Variants in LIMCH1 observed in about 807,000 individuals in gnomAD.
The protein encoded by LIMCH1 is LIM and calponin homology domains 1.
In LIMCH1, 113 loss-of-function variants were observed where a neutral mutation model predicts 176.5. That is an observed-to-expected ratio of 0.64 (90% CI 0.55 to 0.75). The LOEUF (loss-of-function observed/expected upper bound fraction) is 0.75. Among genes scored for constraint, LIMCH1 ranks in the 30% least tolerant of loss-of-function variants. LIMCH1 has a pLI of 0.00. For missense variants in LIMCH1, 1,674 were observed against 1,814.9 expected (o/e 0.92, Z 1.41); for synonymous variants, 619 against 645.9 (o/e 0.96, Z 0.63).
At chr4:41,593,183 G>T (rs1165287250) in intron 1 of LIMCH1, among the ~76,000 whole-genome samples, 1 of 152,170 alleles carries the variant, frequency 6.6e-6, no homozygotes, top group East Asian at 1.9e-4. Context: ...CATAGCCCTT[G>T]GGAAATGTTT....
rs374277373 is a variant in LIMCH1 at position 41,651,286 on chromosome 4, A to G, written c.3036+678A>G. On this transcript the variant is annotated intron_variant, in intron 18 of 31. Transcript: ENST00000503057. ...TCCCAAAAGTGCTGGGATTACAGGC[A>G]TGAGCTACCACACCCAGCCTAATTT... Among the ~76,000 whole-genome samples, 72 of 152,270 alleles carry G rather than the reference A, an allele frequency of 4.7e-4. No homozygotes were observed. The South Asian group carries it at 0.012, about 25-fold the overall frequency.
chr4:41,360,883 C>A lies in LIMCH1; in HGVS notation c.43C>A (p.Gln15Lys), dbSNP rs2051874801. 2 of 1,586,858 alleles carry A rather than the reference C, an allele frequency of 1.3e-6. No homozygotes were observed. Among genetic ancestry groups the A allele is most frequent in the Non-Finnish European group, 1.7e-6 (2 of 1,169,974 alleles). ...CGGTCTGGAAGCTCTTCAGCCCCTG[C>A]AGCCCGAGCCGCCCCCCGAGCCCGC... The change falls in exon 1 of 27, where the codon CAG becomes AAG. Residue 15 changes from glutamine (Q) to lysine (K), a missense_variant. Transcript: ENST00000313860. This position sits in a 1 kb window ranked among gnomAD's most constrained non-coding sequence, Gnocchi z 4.5.
chr4:41,360,779 T>TGCGGCGGCG, upstream of LIMCH1: 3 of 1,321,122 alleles, frequency 2.3e-6, no homozygotes, highest in Non-Finnish European at 3.1e-6. The surrounding 1 kb of genome is among the most constrained non-coding windows in gnomAD (Gnocchi z 4.5). Flanking sequence ...AGCGCGCTCC[T>TGCGGCGGCG]GCGGCGGCGA....
chr4:41,596,906 A>G (rs1050327321), intron 1 of LIMCH1, among the ~76,000 whole-genome samples: 1 of 152,118 alleles, frequency 6.6e-6, no homozygotes, highest in African/African-American at 2.4e-5. Context: ...GAAAGAAAAC[A>G]TCCTGGGATG....
chr4:41,524,250 C>T (rs2076400234), intron 2 of LIMCH1, among the ~76,000 whole-genome samples: 1 of 152,224 alleles, frequency 6.6e-6, no homozygotes, highest in Non-Finnish European at 1.5e-5. Flanking sequence ...AAGCTCTTCA[C>T]TTATATGCAT....
chr4:41,381,060 A>G (rs1364996004), intron 1 of LIMCH1, among the ~76,000 whole-genome samples: 1 of 152,188 alleles, frequency 6.6e-6, no homozygotes, highest in Non-Finnish European at 1.5e-5. Flanking sequence ...ACAGATCTTG[A>G]ACACTTACTG....
At chr4:41,511,538 C>T (rs2152355682) in intron 2 of LIMCH1, among the ~76,000 whole-genome samples, 1 of 152,336 alleles carries the variant, frequency 6.6e-6, no homozygotes, top group African/African-American at 2.4e-5. Flanking sequence ...TGGCACTACT[C>T]ATGAAGTTGG....
chr4:41,397,741 T>C (rs1296321684), intron 1 of LIMCH1, among the ~76,000 whole-genome samples: 1 of 152,208 alleles, frequency 6.6e-6, no homozygotes, highest in African/African-American at 2.4e-5. Flanking sequence ...TGTAATTGAA[T>C]GTGCTGTACT....
rs2082837492 is a variant in LIMCH1 at position 41,566,797 on chromosome 4, A to T, written c.-241+28447A>T. Among the ~76,000 whole-genome samples the T allele has an allele frequency of 2.0e-5, 3 of 152,186 alleles. No homozygotes were observed. In the South Asian group the frequency reaches 6.2e-4, roughly 32 times the overall value. ...TTAATTATACCCCATTAAAGCTGGGAATAAACTTAAAAAAAGAAGAGTTTT... is the reference window on the plus strand; with the variant it reads ...TTAATTATACCCCATTAAAGCTGGGTATAAACTTAAAAAAAGAAGAGTTTT... On this transcript the variant is annotated intron_variant, in intron 1 of 31. Transcript: ENST00000503057.
At position 41,620,706 on chromosome 4, in the gene LIMCH1, A is replaced by G; in HGVS notation, c.725+16A>G. 1.3e-6 allele frequency: 2 copies of G among 1,519,720 alleles called. No individual in the cohort carries two copies. Among genetic ancestry groups the G allele is most frequent in the Non-Finnish European group, 1.8e-6 (2 of 1,137,198 alleles). The allele number at this position is 1,519,720 out of a possible 1,614,324, so 94.1% of individuals were successfully genotyped here. A position where few individuals can be genotyped will look rare whatever the true frequency, so the allele number is the denominator to read the frequency against. On this transcript the variant is annotated intron_variant, in intron 7 of 31. Coordinates refer to ENST00000503057, the MANE Select transcript of LIMCH1 (RefSeq NM_001330672.2). ...GCTTTGCCAGGTCAGCTCTGGGCTG[A>G]GGGCTGGCCCGGCTGGCTTTCTGCA...
intron 1 of LIMCH1, among the ~76,000 whole-genome samples, chr4:41,430,667 T>C (rs1023206589): frequency 6.6e-6 from 1 of 152,336 alleles, no homozygotes; most frequent in African/African-American, 2.4e-5. Context: ...CTAAATAATC[T>C]TCAGAACTTA....
At chr4:41,390,796 C>G (rs913660557) in intron 1 of LIMCH1, among the ~76,000 whole-genome samples, 1 of 152,096 alleles carries the variant, frequency 6.6e-6, no homozygotes, top group Non-Finnish European at 1.5e-5. Context: ...TGTGGGCTTC[C>G]TTCCTTCTCA....
At position 41,680,047 on chromosome 4, in the gene LIMCH1, G is replaced by C. The variant is rs1445979705; in HGVS notation, c.3561G>C (p.Trp1187Cys). ...AGCAGGACAAGCTGAAAGAAGAGTGGGAAAAGGCCCAAAAGGAGGTGGAAG... is the reference window on the plus strand; with the variant it reads ...AGCAGGACAAGCTGAAAGAAGAGTGCGAAAAGGCCCAAAAGGAGGTGGAAG... ...QKEQDKLKEEWEKAQKEVEEE... is the reference protein window; with the variant it reads ...QKEQDKLKEECEKAQKEVEEE... The change falls in exon 24 of 32, where the codon TGG (tryptophan) becomes TGC (cysteine). Residue 1187 changes from tryptophan to cysteine, a missense_variant. Physicochemically the swap from Trp to Cys is radical, Grantham distance 215. Transcript: ENST00000503057. The C allele has an allele frequency of 1.9e-6, 3 of 1,610,746 alleles. No homozygotes were observed. Among genetic ancestry groups the C allele is most frequent in the Non-Finnish European group, 2.5e-6 (3 of 1,178,646 alleles).
intron 1 of LIMCH1, among the ~76,000 whole-genome samples, chr4:41,372,858 A>G (rs2054182219): frequency 6.6e-6 from 1 of 152,128 alleles, no homozygotes; most frequent in African/African-American, 2.4e-5. Flanking sequence ...CTGAGACTTG[A>G]GGGTTGGCAA....
At chr4:41,422,887 A>G (rs1327230369) in intron 1 of LIMCH1, among the ~76,000 whole-genome samples, 2 of 151,880 alleles carry the variant, frequency 1.3e-5, no homozygotes, top group African/African-American at 4.8e-5. Flanking sequence ...CCTCCTGAGG[A>G]GCTGGGATTG....
intron 20 of LIMCH1, 31 bp from the exon 21 acceptor site, chr4:41,666,530 G>T: frequency 7.1e-7 from 1 of 1,408,708 alleles, no homozygotes; most frequent in Non-Finnish European, 1.0e-6. Context: ...GACAGTTCTT[G>T]CAATATTTAT....
At chr4:41,373,670 C>T (rs1200583762) in intron 1 of LIMCH1, among the ~76,000 whole-genome samples, 3 of 152,314 alleles carry the variant, frequency 2.0e-5, no homozygotes, top group African/African-American at 7.2e-5. Context: ...AAGGGTTTTA[C>T]GGTCATTAGG....
At chr4:41,671,213 C>A (rs749312386) in intron 21 of LIMCH1, among the ~76,000 whole-genome samples, 2 of 152,084 alleles carry the variant, frequency 1.3e-5, no homozygotes, top group African/African-American at 4.8e-5. Context: ...AGTCAAGCCA[C>A]AATGCAAGGT....
chr4:41,361,963 G>T (rs1324973954), intron 1 of LIMCH1, among the ~76,000 whole-genome samples: 1 of 152,156 alleles, frequency 6.6e-6, no homozygotes, highest in African/African-American at 2.4e-5. Context: ...AGGAGGAAGT[G>T]TATCGCTAAA....
Sources: allele counts gnomAD v4.1 joint callset (sites outside exome capture counted in the v4.1 genomes callset), GRCh38; gene constraint gnomAD v4.1.1; non-coding constraint Gnocchi (gnomAD v3.1); transcripts MANE v1.5; gene names NCBI Gene and HGNC (gene_info 2026-07-23, HGNC 2026-07-21).